THSD7A: variants seen among roughly 807,000 people sequenced by gnomAD.
THSD7A encodes thrombospondin type 1 domain containing 7A.
In THSD7A, 96 loss-of-function variants were observed where a neutral mutation model predicts 231.3. That is an observed-to-expected ratio of 0.41 (90% CI 0.35 to 0.49). The LOEUF (loss-of-function observed/expected upper bound fraction) is 0.49. THSD7A is among the 20% of genes least tolerant of loss of function. THSD7A has a pLI of 0.05. For missense variants in THSD7A, 2,290 were observed against 2,070.2 expected (o/e 1.11, Z -2.06); for synonymous variants, 940 against 743.3 (o/e 1.26, Z -4.30).
intron 3 of THSD7A, among the ~76,000 whole-genome samples, chr7:11,592,582 T>C (rs1313159564): frequency 6.6e-6 from 1 of 152,198 alleles, no homozygotes; most frequent in Non-Finnish European, 1.5e-5. Flanking sequence ...ATTGAACACA[T>C]ATTTTGTACC....
At chr7:11,724,015 T>C (rs1405762252) in intron 1 of THSD7A, among the ~76,000 whole-genome samples, 1 of 151,814 alleles carries the variant, frequency 6.6e-6, no homozygotes, top group Non-Finnish European at 1.5e-5. Context: ...TAAAAGGCAA[T>C]TGCAACAACG....
At chr7:11,726,649 GA>G (rs1449838863) in intron 1 of THSD7A, among the ~76,000 whole-genome samples, 3 of 151,958 alleles carry the variant, frequency 2.0e-5, no homozygotes, top group African/African-American at 7.2e-5. Flanking sequence ...CTCCCCCGTG[GA>G]ATACCTGAAT....
chr7:11,378,889 C>T, intron 26 of THSD7A, 181 bp downstream of exon 26: 1 of 616,250 alleles, frequency 1.6e-6, no homozygotes, highest in Non-Finnish European at 2.7e-6. Context: ...GAACTTCAAA[C>T]ATGAGTTATT....
At chr7:11,524,676 C>T (rs1330013018) in intron 6 of THSD7A, among the ~76,000 whole-genome samples, 1 of 152,108 alleles carries the variant, frequency 6.6e-6, no homozygotes, top group Non-Finnish European at 1.5e-5. Flanking sequence ...AGTCCCAGAA[C>T]TTGATTTTCC....
intron 6 of THSD7A, among the ~76,000 whole-genome samples, chr7:11,483,133 G>A: frequency 6.6e-6 from 1 of 152,156 alleles, no homozygotes; most frequent in East Asian, 1.9e-4. Flanking sequence ...GACTCACCTT[G>A]CCATTCCTTA....
chr7:11,647,068 T>C (rs1782311279), intron 1 of THSD7A, among the ~76,000 whole-genome samples: 2 of 152,192 alleles, frequency 1.3e-5, no homozygotes, highest in South Asian at 4.1e-4. Flanking sequence ...CTTTGACTCC[T>C]GTTCCTCACT....
chr7:11,695,493 C>A (rs994233606), intron 1 of THSD7A, among the ~76,000 whole-genome samples: 1 of 151,362 alleles, frequency 6.6e-6, no homozygotes, highest in Non-Finnish European at 1.5e-5. Context: ...CAGTTTTATG[C>A]AATAAGGTGC....
chr7:11,799,043 C>A (rs1784206507), intron 1 of THSD7A, among the ~76,000 whole-genome samples: 1 of 152,108 alleles, frequency 6.6e-6, no homozygotes, highest in South Asian at 2.1e-4. Context: ...CCGCTTCAGA[C>A]TCCTGATTAG....
intron 2 of THSD7A, 150 bp from the exon 3 acceptor site, chr7:11,593,652 G>A (rs1780253379): frequency 2.1e-6 from 2 of 965,706 alleles, no homozygotes; most frequent in Non-Finnish European, 3.1e-6. Flanking sequence ...CATTTATGAT[G>A]TGGAAAAGCA....
intron 6 of THSD7A, among the ~76,000 whole-genome samples, chr7:11,540,688 G>C (rs1435187595): frequency 6.6e-6 from 1 of 152,166 alleles, no homozygotes; most frequent in African/African-American, 2.4e-5. Context: ...TTAGAGGTAA[G>C]GAGTTCTCCC....
At position 11,590,221 on chromosome 7, in the gene THSD7A, C is replaced by A. The variant is rs1180680409; in HGVS notation, c.1453+239G>T. Among the ~76,000 whole-genome samples the A allele has an allele frequency of 1.3e-5, 2 of 152,174 alleles. No individual in the cohort carries two copies. The highest frequency in any genetic ancestry group is 2.1e-4 in the South Asian group (1 of 4,830). On this transcript the variant is annotated intron_variant, in intron 4 of 27. Transcript: ENST00000423059. The surrounding 1 kb of genome is among the most constrained non-coding windows in gnomAD (Gnocchi z 4.4). ...TGATGAAGAGGTTGAGTCAAGAAGG[C>A]CTTTAAGTCAAAATTTTAAAGAAAC...
intron 16 of THSD7A, among the ~76,000 whole-genome samples, chr7:11,424,090 G>C (rs1337227688): frequency 6.6e-6 from 1 of 152,152 alleles, no homozygotes; most frequent in African/African-American, 2.4e-5. Context: ...GTATGTCTGC[G>C]CTCTCCAACA....
intron 1 of THSD7A, among the ~76,000 whole-genome samples, chr7:11,794,437 C>A (rs975263335): frequency 6.6e-6 from 1 of 151,930 alleles, no homozygotes; most frequent in Non-Finnish European, 1.5e-5. Context: ...TTAGTGATGT[C>A]TTTCAGACCA....
chr7:11,507,034 T>G (rs1236008398), intron 6 of THSD7A, among the ~76,000 whole-genome samples: 1 of 152,206 alleles, frequency 6.6e-6, no homozygotes, highest in Non-Finnish European at 1.5e-5. Flanking sequence ...CTAGTGATTT[T>G]TAAAAGTTCC....
At chr7:11,518,566 C>A (rs1416916421) in intron 6 of THSD7A, among the ~76,000 whole-genome samples, 1 of 151,478 alleles carries the variant, frequency 6.6e-6, no homozygotes, top group Non-Finnish European at 1.5e-5. Context: ...AAAAGTACAA[C>A]AGATCATCCC....
In THSD7A at chr7:11,373,458, A is replaced by AT. The variant is rs1321283905; in HGVS notation, c.*2335dup. The AT allele has an allele frequency of 6.6e-6, 1 of 151,912 alleles. No homozygotes were observed. The highest frequency in any genetic ancestry group is 1.5e-5 in the Non-Finnish European group (1 of 67,928). The allele number at this position is 151,912 out of a possible 1,614,324, so 9.4% of individuals were successfully genotyped here. A position where few individuals can be genotyped will look rare whatever the true frequency, so the allele number is the denominator to read the frequency against. The stretch of plus-strand genomic sequence containing the variant: ...ATCACAGTTTTAAAGTAACAATATT[A>AT]TTTTTTCTTCCTCTTTAATAAAACA... On this transcript the variant is annotated 3_prime_UTR_variant, in exon 28 of 28. Coordinates refer to ENST00000423059, the MANE Select transcript of THSD7A (RefSeq NM_015204.3).
intron 9 of THSD7A, among the ~76,000 whole-genome samples, chr7:11,467,713 ATTTTC>A (rs1452596660): frequency 1.3e-5 from 2 of 151,584 alleles, no homozygotes; most frequent in African/African-American, 4.8e-5. Flanking sequence ...AAATCATGTT[ATTTTC>A]TTTTCAAGTA....
chr7:11,669,365 T>TTG, intron 1 of THSD7A, among the ~76,000 whole-genome samples: 1 of 152,108 alleles, frequency 6.6e-6, no homozygotes, highest in South Asian at 2.1e-4. Context: ...TTTTTCTTTC[T>TTG]TGTATTACAC....
At chr7:11,705,055 T>C (rs1454613513) in intron 1 of THSD7A, among the ~76,000 whole-genome samples, 2 of 151,068 alleles carry the variant, frequency 1.3e-5, no homozygotes, top group African/African-American at 2.4e-5. Flanking sequence ...CTATCACTGA[T>C]ATTAGTAAGT....
Sources: allele counts gnomAD v4.1 joint callset (sites outside exome capture counted in the v4.1 genomes callset), GRCh38; gene constraint gnomAD v4.1.1; non-coding constraint Gnocchi (gnomAD v3.1); transcripts MANE v1.5; gene names NCBI Gene and HGNC (gene_info 2026-07-23, HGNC 2026-07-21).